SPAST: variants seen among roughly 807,000 people sequenced by gnomAD.
The protein encoded by SPAST is spastic paraplegia 4 (autosomal dominant; spastin).
SPAST carries 30 observed loss-of-function variants against 76.6 expected under a neutral mutation model. The ratio of observed to expected loss-of-function variants is 0.39; its 90% confidence interval spans 0.29 to 0.53. SPAST has a LOEUF of 0.53. SPAST is among the 20% of genes least tolerant of loss of function. The pLI is 0.68. For synonymous variants in SPAST, 305 were observed against 281.0 expected (o/e 1.09, Z -0.86); for missense variants, 717 against 770.5 (o/e 0.93, Z 0.82).
At chr2:32,080,092 A>AT (rs1322157555) in intron 1 of SPAST, among the ~76,000 whole-genome samples, 1 of 152,042 alleles carries the variant, frequency 6.6e-6, no homozygotes, top group Non-Finnish European at 1.5e-5. Context: ...GTTATTTTTC[A>AT]TTTTTTAAAA....
intron 1 of SPAST, among the ~76,000 whole-genome samples, chr2:32,070,732 C>A (rs1160071570): frequency 6.6e-6 from 1 of 152,076 alleles, no homozygotes; most frequent in Non-Finnish European, 1.5e-5. Context: ...CAGGCTCAAT[C>A]GATCCACCCA....
chr2:32,121,716 G>A (rs1297207237), intron 7 of SPAST, among the ~76,000 whole-genome samples: 1 of 151,322 alleles, frequency 6.6e-6, no homozygotes, highest in African/African-American at 2.4e-5. Flanking sequence ...GCTAATTGTT[G>A]TATTTTTAGT....
At chr2:32,147,342 GTGGT>G in intron 16 of SPAST, 84 bp downstream of exon 16, 1 of 374,124 alleles carries the variant, frequency 2.7e-6, no homozygotes, top group South Asian at 4.5e-5. Flanking sequence ...GTGTGTGTGT[GTGGT>G]TTTTTTTTTT....
intron 4 of SPAST, among the ~76,000 whole-genome samples, chr2:32,110,530 T>A (rs1302099729): frequency 4.0e-5 from 2 of 50,532 alleles, no homozygotes; most frequent in Non-Finnish European, 8.0e-5. Flanking sequence ...CTATATAGTG[T>A]GTATATATAG....
rs121908518 is a variant in SPAST at position 32,145,004 on chromosome 2, C to T, written c.1684C>T (p.Arg562Ter). ...AAAAGATGCAGCACTGGGTCCTATC[C>T]GAGGTAGGTATACAAGAGCTTAAAA... is the stretch of plus-strand genomic sequence containing the variant. The part of the protein sequence containing the change: ...LAKDAALGPI[R>*]ELKPEQVKNM... The change falls in exon 15 of 17, where the codon CGA (arginine) becomes TGA (stop). Residue 562 changes from arginine to a stop codon, truncating the protein, a stop_gained. Coordinates refer to ENST00000315285, the MANE Select transcript of SPAST (RefSeq NM_014946.4). LOFTEE classifies it high-confidence loss of function. The T allele has an allele frequency of 1.2e-6, 2 of 1,608,016 alleles. No homozygotes were observed. The highest frequency in any genetic ancestry group is 1.7e-6 in the Non-Finnish European group (2 of 1,175,236).
chr2:32,085,211 T>G (rs1677425372), intron 1 of SPAST, among the ~76,000 whole-genome samples: 1 of 148,336 alleles, frequency 6.7e-6, no homozygotes, highest in African/African-American at 2.5e-5. Context: ...TCTTCTTTTT[T>G]TTTTTTTTTT....
chr2:32,153,145 A>T (rs1680143243), intron 16 of SPAST, among the ~76,000 whole-genome samples: 1 of 152,136 alleles, frequency 6.6e-6, no homozygotes, highest in African/African-American at 2.4e-5. Flanking sequence ...GATATCAAAG[A>T]TGATATGAAG....
At chr2:32,144,517 A>G (rs1371433583) in intron 14 of SPAST, among the ~76,000 whole-genome samples, 1 of 152,200 alleles carries the variant, frequency 6.6e-6, no homozygotes, top group African/African-American at 2.4e-5. Context: ...CCTCATAACT[A>G]TGGGTTTGCT....
chr2:32,155,472 T>C lies in SPAST; in HGVS notation c.*976T>C, dbSNP rs1445702695. The C allele has an allele frequency of 6.6e-6, 1 of 152,622 alleles. No homozygotes were observed. The highest frequency in any genetic ancestry group is 1.5e-5 in the Non-Finnish European group (1 of 68,022). The allele number at this position is 152,622 out of a possible 1,614,324, so 9.5% of individuals were successfully genotyped here. A position where few individuals can be genotyped will look rare whatever the true frequency, so the allele number is the denominator to read the frequency against. On this transcript the variant is annotated 3_prime_UTR_variant, in exon 17 of 17. Transcript: ENST00000315285. Reference sequence around the variant, plus strand: ...CTTTCTTAATTTTACAGGATAATTATAAGCAAGTGGAACTACCATCTTTTA... The same window carrying C: ...CTTTCTTAATTTTACAGGATAATTACAAGCAAGTGGAACTACCATCTTTTA...
intron 12 of SPAST, among the ~76,000 whole-genome samples, chr2:32,138,129 T>C (rs1450626244): frequency 6.6e-6 from 1 of 152,212 alleles, no homozygotes; most frequent in Non-Finnish European, 1.5e-5. Context: ...AAACATGAAA[T>C]GCATGTCTTT....
intron 1 of SPAST, among the ~76,000 whole-genome samples, chr2:32,076,914 C>T (rs540715945): frequency 9.2e-5 from 14 of 151,818 alleles, no homozygotes; most frequent in Admixed American, 2.0e-4. Flanking sequence ...CTCGTTGTGT[C>T]GCCCAGGCTA....
At position 32,115,847 on chromosome 2, in the gene SPAST, C is replaced by T. The variant is rs766341351; in HGVS notation, c.1004+12C>T. 3.8e-6 allele frequency: 6 copies of T among 1,596,146 alleles called. No individual in the cohort carries two copies. In the African/African-American group the frequency reaches 4.0e-5, roughly 11 times the overall value. Reference sequence around the variant, plus strand: ...GAAATTGTGGACAAGTAAGTTTTGCCATCTAAATGTTTTATTTTATAGTTT... The same window carrying T: ...GAAATTGTGGACAAGTAAGTTTTGCTATCTAAATGTTTTATTTTATAGTTT... On this transcript the variant is annotated intron_variant, in intron 6 of 16. Coordinates refer to ENST00000315285, the MANE Select transcript of SPAST (RefSeq NM_014946.4).
intron 16 of SPAST, among the ~76,000 whole-genome samples, chr2:32,154,044 T>A (rs959340822): frequency 2.6e-5 from 4 of 152,216 alleles, no homozygotes; most frequent in African/African-American, 9.7e-5. Flanking sequence ...ATTGTGATTC[T>A]TTTTTTCTCT....
intron 1 of SPAST, among the ~76,000 whole-genome samples, chr2:32,078,135 C>T (rs975399514): frequency 2.0e-5 from 3 of 151,380 alleles, no homozygotes; most frequent in South Asian, 2.1e-4. Flanking sequence ...GGACTACAGG[C>T]GCCCGCCACT....
chr2:32,064,237 G>A lies in SPAST; in HGVS notation c.406G>A (p.Asp136Asn). The change falls in exon 1 of 17, where the codon GAT becomes AAT. Residue 136 changes from aspartate to asparagine, a missense_variant. By Grantham distance (23) the Asp-to-Asn change is conservative. Around this residue, in one of 3 missense-constraint regions of SPAST, gnomAD observed 543 missense variants for 445.2 expected, o/e 1.22. Transcript: ENST00000315285. ...CTCCATTGCCCTGCGCATCGATGAG[G>A]ATGAGAAAGGTAACTAGGGGGCTGG... ...YISIALRIDEDEKAGQKEQAV... is the reference protein window; with the variant it reads ...YISIALRIDENEKAGQKEQAV... 7.3e-7 allele frequency: 1 copy of A among 1,378,820 alleles called. No individual in the cohort carries two copies. Among genetic ancestry groups the A allele is most frequent in the East Asian group, 3.7e-5 (1 of 26,712 alleles). 85.4% of individuals were successfully genotyped at this position (1,378,820 alleles called of 1,614,324 possible). A position where few individuals can be genotyped will look rare whatever the true frequency, so the allele number is the denominator to read the frequency against.
intron 4 of SPAST, among the ~76,000 whole-genome samples, chr2:32,111,445 T>C (rs1234063424): frequency 6.8e-6 from 1 of 147,086 alleles, no homozygotes. Context: ...TATAGTATAC[T>C]GTATAGTATA....
chr2:32,115,058 C>T (rs1433629476), intron 5 of SPAST, among the ~76,000 whole-genome samples: 1 of 150,312 alleles, frequency 6.7e-6, no homozygotes, highest in Non-Finnish European at 1.5e-5. Flanking sequence ...AAGCGATTCT[C>T]CTGCCTCAGC....
chr2:32,083,746 TATACTATATATATA>T (rs1677342235), intron 1 of SPAST, among the ~76,000 whole-genome samples: 1 of 59,568 alleles, frequency 1.7e-5, no homozygotes, highest in African/African-American at 6.5e-5. Context: ...TATATTTATA[TATACTATATATATA>T]TATATATATA....
At position 32,144,917 on chromosome 2, in the gene SPAST, T is replaced by G. The variant is rs558886294; in HGVS notation, c.1617-20T>G. 6.3e-7 allele frequency: 1 copy of G among 1,598,210 alleles called. No individual in the cohort carries two copies. The highest frequency in any genetic ancestry group is 8.6e-7 in the Non-Finnish European group (1 of 1,167,682). ...AGCGGGAGGGGAAATAATTTGCTGT[T>G]TCTTCCTTCCCTTCCTCAGAATGAC... On this transcript the variant is annotated intron_variant, in intron 14 of 16. Coordinates refer to ENST00000315285, the MANE Select transcript of SPAST (RefSeq NM_014946.4).
Sources: gnomAD v4.1 joint callset for allele counts (sites outside exome capture counted in the v4.1 genomes callset) on GRCh38, gnomAD v4.1.1 for gene constraint, gnomAD v4.1.1 regional missense constraint, MANE v1.5 for transcripts, NCBI Gene and HGNC (gene_info 2026-07-23, HGNC 2026-07-21) for gene names.